The following CCNK variants were observed in gnomAD, a reference collection of about 807,000 sequenced individuals.
The protein encoded by CCNK is cyclin-K.
Under a neutral mutation model 65.0 loss-of-function variants are expected in CCNK, and 9 were observed. The observed-to-expected ratio is 0.14, with a 90% CI of 0.08 to 0.24. CCNK has a LOEUF of 0.24. CCNK is among the 10% of genes least tolerant of loss of function. The probability of loss-of-function intolerance (pLI) is 1.00; values close to 1 mark genes in which losing one functional copy is unlikely to be tolerated. For synonymous variants in CCNK, 279 were observed against 270.8 expected, an observed-to-expected ratio of 1.03 and a Z score of -0.30; for missense variants, 474 against 720.0, an observed-to-expected ratio of 0.66 and a Z score of 3.91.
intron 4 of CCNK, among the ~76,000 whole-genome samples, chr14:99,499,041 T>C (rs540787849): frequency 1.8e-4 from 28 of 152,210 alleles, no homozygotes; most frequent in African/African-American, 6.7e-4. Context: ...AAAAAAATTG[T>C]TTTGTTTTGT....
intron 10 of CCNK, chr14:99,508,234 A>G (rs1251842271): frequency 6.6e-6 from 1 of 152,228 alleles, no homozygotes; most frequent in East Asian, 1.9e-4. Context: ...CCCCAATTCA[A>G]TATGAACCTT....
chr14:99,509,099 G>A (rs1003926109), intron 10 of CCNK: 3 of 152,248 alleles, frequency 2.0e-5, no homozygotes, highest in Non-Finnish European at 4.4e-5. Context: ...GATCAAACGG[G>A]TTGTGTGCCA....
At chr14:99,507,200 T>C (rs1896997442) in intron 10 of CCNK, 53 bp downstream of exon 10, 1 of 1,061,424 alleles carries the variant, frequency 9.4e-7, no homozygotes, top group African/African-American at 1.5e-5. Flanking sequence ...CTCTGAATGT[T>C]GGACGCAGCA....
rs1595332900 is a variant in CCNK, at chr14:99,511,936, G to A, written c.*1154G>A. 1 of 152,276 alleles carries A rather than the reference G, an allele frequency of 6.6e-6. No individual in the cohort carries two copies. Among genetic ancestry groups the A allele is most frequent in the Non-Finnish European group, 1.5e-5 (1 of 68,038 alleles). 9.4% of individuals were successfully genotyped at this position (152,276 alleles called of 1,614,324 possible). A position where few individuals can be genotyped will look rare whatever the true frequency, so the allele number is the denominator to read the frequency against. Reference sequence around the variant, plus strand: ...CGGCTCTGTCTGTGGAAGGGGCCCCGACTGAGCCCCCATCTGCGGTGCTTG... The same window carrying A: ...CGGCTCTGTCTGTGGAAGGGGCCCCAACTGAGCCCCCATCTGCGGTGCTTG... On this transcript the variant is annotated 3_prime_UTR_variant, in exon 11 of 11. Transcript: ENST00000389879.
intron 10 of CCNK, chr14:99,508,541 G>C (rs991022714): frequency 6.6e-6 from 1 of 152,538 alleles, no homozygotes; most frequent in Non-Finnish European, 1.5e-5. Flanking sequence ...GCAGGGCCTG[G>C]GAGGCGCAGT....
Position 99,503,556 on chromosome 14 carries a change from T to C in CCNK, c.1012-55T>C, listed in dbSNP as rs2069499. On this transcript the variant is annotated intron_variant, in intron 8 of 10. Transcript: ENST00000389879. ...TGGTGGTACCTGGATAATCCATTTT[T>C]TTCTCATCATACTCAGGATCCCAGT... 2,732 of 1,476,118 alleles carry C rather than the reference T, an allele frequency of 1.9e-3. 43 individuals carry two copies. The African/African-American group carries it at 0.032, about 17-fold the overall frequency. The allele number at this position is 1,476,118 out of a possible 1,614,324, so 91.4% of individuals were successfully genotyped here.
At chr14:99,505,909 G>T (rs555187406) in intron 9 of CCNK, 2 of 152,374 alleles carry the variant, frequency 1.3e-5, no homozygotes, top group Admixed American at 1.3e-4. Flanking sequence ...GTGGCTCTCA[G>T]TTATATTGCT....
Position 99,495,646 on chromosome 14 carries a change from C to T in CCNK, c.411+17C>T, listed in dbSNP as rs1372368072. The stretch of plus-strand genomic sequence containing the variant: ...GACCCAAAGGTAAGAATGATAATAA[C>T]TTCCTGCCTTCTGGTCTTGATTCCT... On this transcript the variant is annotated intron_variant, in intron 4 of 10. Coordinates refer to ENST00000389879, the MANE Select transcript of CCNK (RefSeq NM_001099402.2). 2 of 1,593,538 alleles carry T rather than the reference C, an allele frequency of 1.3e-6. No homozygotes were observed. Among genetic ancestry groups the T allele is most frequent in the Non-Finnish European group, 1.7e-6 (2 of 1,171,140 alleles).
chr14:99,501,608 G>T (rs545898021), intron 6 of CCNK, 195 bp downstream of exon 6: 2 of 567,780 alleles, frequency 3.5e-6, no homozygotes, highest in African/African-American at 1.9e-5. Context: ...CTGCCCTGCC[G>T]TGTCATGGTG....
Position 99,512,409 on chromosome 14 carries a change from G to GT in CCNK, c.*1628dup, listed in dbSNP as rs1897151363. ...AAATATACACCTCTACCGCTCTGCA[G>GT]TCATGCATTTAGTTTTAAGAAAAAA... On this transcript the variant is annotated 3_prime_UTR_variant, in exon 11 of 11. Transcript: ENST00000389879. The GT allele has an allele frequency of 6.6e-6, 1 of 150,804 alleles. No homozygotes were observed. The highest frequency in any genetic ancestry group is 6.6e-5 in the Admixed American group (1 of 15,180). The allele number at this position is 150,804 out of a possible 1,614,324, so 9.3% of individuals were successfully genotyped here.
intron 4 of CCNK, chr14:99,500,465 G>T: frequency 4.6e-6 from 1 of 217,794 alleles, no homozygotes; most frequent in Admixed American, 5.7e-5. Context: ...ATAACGTAAA[G>T]ATCTGTTTTG....
intron 4 of CCNK, among the ~76,000 whole-genome samples, chr14:99,495,870 C>T (rs182575606): frequency 4.6e-4 from 70 of 152,316 alleles, no homozygotes; most frequent in African/African-American, 1.6e-3. Flanking sequence ...GGCAGTGGCA[C>T]ATTTCATGGA....
rs376645856 is a variant in CCNK at position 99,495,590 on chromosome 14, A to G, written c.372A>G (p.Leu124=). ...TCATCAAAACAGCTCGTAGTTTATT[A>G]AATGATGTACAATTTGGCCAGTTTG... The part of the protein sequence containing the change: ...KDIIKTARSL[L]NDVQFGQFGD... The change falls in exon 4 of 11, where the codon TTA becomes TTG. Residue 124 remains leucine, a synonymous_variant. Coordinates refer to ENST00000389879, the MANE Select transcript of CCNK (RefSeq NM_001099402.2). 3.7e-6 allele frequency: 6 copies of G among 1,612,158 alleles called. No homozygotes were observed. The highest frequency in any genetic ancestry group is 5.1e-6 in the Non-Finnish European group (6 of 1,179,290).
chr14:99,487,716 T>G (rs1896520366), intron 1 of CCNK, among the ~76,000 whole-genome samples: 2 of 152,234 alleles, frequency 1.3e-5, no homozygotes, highest in Admixed American at 1.3e-4. Flanking sequence ...CGAAGAGAGC[T>G]TCTGGAATGT....
At position 99,507,066 on chromosome 14, in the gene CCNK, T is replaced by G; in HGVS notation, c.1046-10T>G. ...TATGAGTGGTTTTCTAATCTGCTTT[T>G]TCTTTGTAGAACCACCACCACCTAA... On this transcript the variant is annotated splice_polypyrimidine_tract_variant and intron_variant, in intron 9 of 10. Coordinates refer to ENST00000389879, the MANE Select transcript of CCNK (RefSeq NM_001099402.2). The G allele has an allele frequency of 3.2e-6, 5 of 1,582,948 alleles. No homozygotes were observed. Among genetic ancestry groups the G allele is most frequent in the Non-Finnish European group, 4.3e-6 (5 of 1,151,602 alleles).
rs1896872592 is a variant in CCNK at position 99,502,932 on chromosome 14, C to T, written c.959C>T (p.Pro320Leu). The T allele has an allele frequency of 1.2e-6, 2 of 1,613,774 alleles. No individual in the cohort carries two copies. The highest frequency in any genetic ancestry group is 1.7e-5 in the Admixed American group (1 of 60,004). ...PAQQQQPAQQ[P>L]KKPSPQPSSP... ...CAGCAGCAGCAGCCAGCCCAACAGC[C>T]CAAGAAACCCTCTCCGCAGCCCAGT... Residue 320 changes from proline to leucine, a missense_variant, in exon 8 of 11, where the codon CCC becomes CTC. Around this residue, in one of 6 missense-constraint regions of CCNK, gnomAD observed 229 missense variants for 275.5 expected, o/e 0.83. Transcript: ENST00000389879.
intron 9 of CCNK, 84 bp downstream of exon 9, chr14:99,503,728 G>C (rs1273559722): frequency 4.9e-6 from 6 of 1,216,764 alleles, no homozygotes; most frequent in Non-Finnish European, 7.0e-6. Context: ...TTTCTTTTCA[G>C]ATCTAAATTG....
chr14:99,490,056 T>C (rs1488427638), intron 1 of CCNK, among the ~76,000 whole-genome samples: 1 of 152,206 alleles, frequency 6.6e-6, no homozygotes, highest in Non-Finnish European at 1.5e-5. Context: ...AAATAGACAT[T>C]TGTATAGTAT....
chr14:99,501,234 G>A (rs1348723835), intron 5 of CCNK, 122 bp from the exon 6 acceptor site: 6 of 692,520 alleles, frequency 8.7e-6, no homozygotes, highest in South Asian at 1.7e-5. Context: ...TGTTTCCCAC[G>A]CAAAAGCTCT....
Sources: gnomAD v4.1 joint callset for allele counts (sites outside exome capture counted in the v4.1 genomes callset) on GRCh38, gnomAD v4.1.1 for gene constraint, gnomAD v4.1.1 regional missense constraint, MANE v1.5 for transcripts, NCBI Gene and HGNC (gene_info 2026-07-23, HGNC 2026-07-21) for gene names.